Variants in LARGE1 observed in about 807,000 individuals in gnomAD.
LARGE1 encodes xylosyl- and glucuronyltransferase LARGE1.
LARGE1 carries 43 observed loss-of-function variants against 87.6 expected under a neutral mutation model. That is an observed-to-expected ratio of 0.49 (90% CI 0.38 to 0.63). The LOEUF (loss-of-function observed/expected upper bound fraction) is 0.63, where lower values mean the gene tolerates loss of function less well. Among genes scored for constraint, LARGE1 ranks in the 30% least tolerant of loss-of-function variants. The pLI, the probability that LARGE1 is intolerant of heterozygous loss-of-function variation, is 0.00. For synonymous variants in LARGE1, 434 were observed against 394.6 expected (o/e 1.10, Z -1.18); for missense variants, 802 against 1,000.2 (o/e 0.80, Z 2.67).
At chr22:33,584,618 C>T (rs1302530359) in intron 5 of LARGE1, among the ~76,000 whole-genome samples, 1 of 152,018 alleles carries the variant, frequency 6.6e-6, no homozygotes, top group Non-Finnish European at 1.5e-5. Flanking sequence ...AATTCAGCTA[C>T]CTATTAAATA....
At chr22:33,614,791 A>G (rs1481343133) in intron 4 of LARGE1, among the ~76,000 whole-genome samples, 1 of 152,130 alleles carries the variant, frequency 6.6e-6, no homozygotes, top group Non-Finnish European at 1.5e-5. Flanking sequence ...ACCCTCCATG[A>G]GACTGTCAGC....
At chr22:33,122,559 A>G in the LARGE1 span, among the ~76,000 whole-genome samples, 1 of 151,926 alleles carries the variant, frequency 6.6e-6, no homozygotes, top group African/African-American at 2.4e-5. Context: ...GGGTTTCTCC[A>G]TGTTGGTCAG....
At chr22:33,470,222 C>A (rs2068774691) in intron 6 of LARGE1, among the ~76,000 whole-genome samples, 1 of 152,084 alleles carries the variant, frequency 6.6e-6, no homozygotes, top group Non-Finnish European at 1.5e-5. Flanking sequence ...ACAAAATAAT[C>A]TGTACACCAA....
chr22:33,437,115 T>G (rs9619348), intron 6 of LARGE1, among the ~76,000 whole-genome samples: 9,155 of 152,196 alleles, frequency 0.06, 387 homozygotes, highest in Non-Finnish European at 0.087. Flanking sequence ...ATAAACCAAC[T>G]CCCCAGGTAA....
intron 5 of LARGE1, among the ~76,000 whole-genome samples, chr22:33,588,891 C>T (rs964198418): frequency 2.0e-5 from 3 of 152,178 alleles, no homozygotes; most frequent in African/African-American, 7.2e-5. Flanking sequence ...GGGAGGCCTT[C>T]CCTGAGAATT....
intron 1 of LARGE1, among the ~76,000 whole-genome samples, chr22:33,763,225 C>G (rs1301829509): frequency 3.3e-5 from 5 of 152,136 alleles, no homozygotes; most frequent in Non-Finnish European, 1.5e-5. Flanking sequence ...CAAAGGCCAC[C>G]CTCTCAAGCT....
chr22:33,241,658 G>A (rs1234142876), intron 11 of LARGE1, among the ~76,000 whole-genome samples: 2 of 151,546 alleles, frequency 1.3e-5, no homozygotes, highest in Non-Finnish European at 2.9e-5. Context: ...GTGTGTATAT[G>A]TGTGTGTGTA....
the LARGE1 span, among the ~76,000 whole-genome samples, chr22:33,073,659 C>T: frequency 6.6e-6 from 1 of 152,148 alleles, no homozygotes; most frequent in Non-Finnish European, 1.5e-5. Flanking sequence ...CTGAGCCTGG[C>T]TTCCCATTCA....
chr22:33,078,281 A>T, the LARGE1 span, among the ~76,000 whole-genome samples: 33 of 152,214 alleles, frequency 2.2e-4, no homozygotes, highest in Non-Finnish European at 4.0e-4. Flanking sequence ...AGCCATATTC[A>T]TATGAGGCTC....
chr22:33,581,542 G>A (rs1016926286), intron 5 of LARGE1, among the ~76,000 whole-genome samples: 3 of 152,016 alleles, frequency 2.0e-5, no homozygotes, highest in Non-Finnish European at 2.9e-5. Context: ...GACTGGGCAC[G>A]GTGGCTCAAA....
chr22:33,634,630 AGAGAT>A, intron 3 of LARGE1, among the ~76,000 whole-genome samples: 1 of 151,906 alleles, frequency 6.6e-6, no homozygotes, highest in South Asian at 2.1e-4. Context: ...AAAAATGGAA[AGAGAT>A]GAGAATGGGT....
intron 1 of LARGE1, among the ~76,000 whole-genome samples, chr22:33,910,148 ACT>A (rs1439339943): frequency 6.6e-6 from 1 of 152,134 alleles, no homozygotes; most frequent in African/African-American, 2.4e-5. Flanking sequence ...TTGTTGCTTA[ACT>A]TATGACACAT....
intron 9 of LARGE1, among the ~76,000 whole-genome samples, chr22:33,368,913 C>G (rs896164185): frequency 6.6e-6 from 1 of 152,166 alleles, no homozygotes; most frequent in Non-Finnish European, 1.5e-5. Flanking sequence ...CAGTGAGTCA[C>G]AATCCTTTTG....
At chr22:33,205,531 G>A (rs949439424) in intron 11 of LARGE1, among the ~76,000 whole-genome samples, 2 of 152,206 alleles carry the variant, frequency 1.3e-5, no homozygotes, top group African/African-American at 4.8e-5. Context: ...ATAAAACTGG[G>A]TAATGTAATA....
At chr22:33,688,333 C>T (rs1009326892) in intron 2 of LARGE1, among the ~76,000 whole-genome samples, 2 of 152,086 alleles carry the variant, frequency 1.3e-5, no homozygotes, top group African/African-American at 4.8e-5. Context: ...GAGTCCAAAT[C>T]CCTTGCAGGT....
At chr22:33,427,274 C>A (rs2066911694) in intron 7 of LARGE1, among the ~76,000 whole-genome samples, 1 of 152,160 alleles carries the variant, frequency 6.6e-6, no homozygotes, top group South Asian at 2.1e-4. Context: ...TTCACCCGAA[C>A]AGTTATGGGC....
downstream of LARGE1, among the ~76,000 whole-genome samples, chr22:33,159,752 T>C (rs530380557): frequency 1.5e-4 from 23 of 151,870 alleles, no homozygotes; most frequent in Non-Finnish European, 2.8e-4. Context: ...GCCTGGCTAA[T>C]TTTTTGTATT....
At chr22:33,688,752 G>C (rs1259883416) in intron 2 of LARGE1, among the ~76,000 whole-genome samples, 1 of 152,118 alleles carries the variant, frequency 6.6e-6, no homozygotes, top group Non-Finnish European at 1.5e-5. Context: ...CTTTGCAAGT[G>C]GAGGGATGGT....
rs1322228418 is a variant in LARGE1 at position 33,389,536 on chromosome 22, C to G, written c.893-5232G>C. Among the ~76,000 whole-genome samples the G allele has an allele frequency of 2.0e-5, 3 of 152,218 alleles. No homozygotes were observed. The East Asian group carries it at 5.8e-4, about 29-fold the overall frequency. The stretch of plus-strand genomic sequence containing the variant: ...ATGTAGAGCAAGAGAGTGACTACAA[C>G]AGAATCTGTTTTAGAAAAGCCAAAC... On this transcript the variant is annotated intron_variant, in intron 7 of 14. Coordinates refer to ENST00000397394, the MANE Select transcript of LARGE1 (RefSeq NM_133642.5).
Sources: gnomAD v4.1 joint callset for allele counts (sites outside exome capture counted in the v4.1 genomes callset) on GRCh38, gnomAD v4.1.1 for gene constraint, MANE v1.5 for transcripts, NCBI Gene and HGNC (gene_info 2026-07-23, HGNC 2026-07-21) for gene names.